Variants in N4BP2 observed in about 807,000 individuals in gnomAD.
N4BP2 encodes NEDD4 binding protein 2.
A neutral mutation model predicts 152.8 loss-of-function variants in N4BP2; 91 were observed. That is an observed-to-expected ratio of 0.60 (90% CI 0.50 to 0.71). The LOEUF is 0.71. Among genes scored for constraint, N4BP2 ranks in the 30% least tolerant of loss-of-function variants. N4BP2 has a pLI of 0.00. For missense variants in N4BP2, 1,923 were observed against 2,059.1 expected (o/e 0.93, Z 1.28); for synonymous variants, 646 against 705.3 (o/e 0.92, Z 1.33).
At position 40,086,371 on chromosome 4, in the gene N4BP2, C is replaced by G. The variant is rs1285540857; in HGVS notation, c.-114-10856C>G. Among the ~76,000 whole-genome samples, 5 of 147,886 alleles carry G rather than the reference C, an allele frequency of 3.4e-5. No individual in the cohort carries two copies. The East Asian group carries it at 1.0e-3, about 30-fold the overall frequency. ...TTTTGTTTTTGAGACGAAGTCTTAC[C>G]CTGTCACCCAGGCTGGAGTGCAGTG... On this transcript the variant is annotated intron_variant, in intron 2 of 17. Transcript: ENST00000261435.
chr4:40,114,001 T>C (rs1055921134), intron 7 of N4BP2, among the ~76,000 whole-genome samples: 2 of 152,222 alleles, frequency 1.3e-5, no homozygotes, highest in Non-Finnish European at 2.9e-5. Context: ...TCGTAGCTGC[T>C]TAGTGATTTA....
intron 13 of N4BP2, among the ~76,000 whole-genome samples, chr4:40,134,931 T>TTTTTATCTTATTTTA (rs1719237885): frequency 8.3e-6 from 1 of 120,002 alleles, no homozygotes; most frequent in African/African-American, 3.0e-5. Context: ...CTTTCTTTCT[T>TTTTTATCTTATTTTA]TTTTATTTTA....
intron 15 of N4BP2, 105 bp from the exon 16 acceptor site, chr4:40,144,527 T>C: frequency 1.1e-6 from 1 of 887,086 alleles, no homozygotes; most frequent in South Asian, 2.0e-5. Flanking sequence ...TTTAGGTTTA[T>C]TATTCCCTTT....
At position 40,073,489 on chromosome 4, in the gene N4BP2, G is replaced by C. The variant is rs994303453; in HGVS notation, c.-177G>C. 1.3e-5 allele frequency: 2 copies of C among 152,136 alleles called. No homozygotes were observed. Among genetic ancestry groups the C allele is most frequent in the Admixed American group, 1.3e-4 (2 of 15,242 alleles). The allele number at this position is 152,136 out of a possible 1,614,324, so 9.4% of individuals were successfully genotyped here. The stretch of plus-strand genomic sequence containing the variant: ...ATGTTGGATAACAAGAAGAGGTGTA[G>C]AGTTTGCATATATCAACTGTGGCCT... On this transcript the variant is annotated 5_prime_UTR_variant, in exon 2 of 18. Transcript: ENST00000261435.
At chr4:40,129,457 G>A (rs930639730) in intron 12 of N4BP2, among the ~76,000 whole-genome samples, 5 of 151,810 alleles carry the variant, frequency 3.3e-5, no homozygotes, top group Non-Finnish European at 5.9e-5. Flanking sequence ...AAACTCCTGA[G>A]CTCAAGCAAT....
chr4:40,146,152 G>C (rs1422501049), intron 16 of N4BP2, among the ~76,000 whole-genome samples: 1 of 151,692 alleles, frequency 6.6e-6, no homozygotes, highest in Admixed American at 6.6e-5. Context: ...GACAGAGCGA[G>C]ACTCTTTCTC....
At chr4:40,064,825 A>C (rs374829365) in intron 1 of N4BP2, among the ~76,000 whole-genome samples, 2 of 151,958 alleles carry the variant, frequency 1.3e-5, no homozygotes, top group African/African-American at 4.8e-5. Flanking sequence ...GCTGGAGTGC[A>C]GTGGTGTGAT....
chr4:40,058,995 A>G (rs1733441692), intron 1 of N4BP2, among the ~76,000 whole-genome samples: 1 of 151,892 alleles, frequency 6.6e-6, no homozygotes, highest in Admixed American at 6.6e-5. Context: ...TAATTTTTGT[A>G]TTTTTTGTAG....
At chr4:40,062,012 A>T (rs1418322138) in intron 1 of N4BP2, among the ~76,000 whole-genome samples, 2 of 144,834 alleles carry the variant, frequency 1.4e-5, no homozygotes, top group Non-Finnish European at 3.1e-5. Context: ...TTGCTGCTTT[A>T]TTTATTTTTT....
At chr4:40,179,287 A>G in the N4BP2 span, among the ~76,000 whole-genome samples, 8 of 152,012 alleles carry the variant, frequency 5.3e-5, no homozygotes, top group Non-Finnish European at 7.4e-5. Flanking sequence ...GGAGAATGGC[A>G]TGAACCCGGG....
chr4:40,103,049 A>C lies in N4BP2; in HGVS notation c.1204A>C (p.Ile402Leu), dbSNP rs1318818594. ...CAACTACACATTTCCACCCTCAGTTATTTCTCACACTTCCCCAACAAAAGT... is the reference window on the plus strand; with the variant it reads ...CAACTACACATTTCCACCCTCAGTTCTTTCTCACACTTCCCCAACAAAAGT... ...SVNYTFPPSV[I>L]SHTSPTKVWR... The change falls in exon 4 of 18, where the codon ATT becomes CTT. Residue 402 changes from isoleucine to leucine, a missense_variant. Physicochemically the swap from Ile to Leu is conservative, Grantham distance 5. Transcript: ENST00000261435. The C allele has an allele frequency of 5.0e-6, 8 of 1,614,164 alleles. No individual in the cohort carries two copies. Among genetic ancestry groups the C allele is most frequent in the Non-Finnish European group, 5.9e-6 (7 of 1,180,036 alleles).
Position 40,144,844 on chromosome 4 carries a change from T to G in N4BP2, c.5143+44T>G, listed in dbSNP as rs751050426. 10 of 1,487,480 alleles carry G rather than the reference T, an allele frequency of 6.7e-6. No homozygotes were observed. In the Admixed American group the frequency reaches 8.4e-5, roughly 12 times the overall value. The allele number at this position is 1,487,480 out of a possible 1,614,324, so 92.1% of individuals were successfully genotyped here. On this transcript the variant is annotated intron_variant, in intron 16 of 17. Coordinates refer to ENST00000261435, the MANE Select transcript of N4BP2 (RefSeq NM_018177.6). ...CAAGTTTTCAATAGAATATATGTCT[T>G]TGCTTATATTGGTATAGCTTGCAAA...
the N4BP2 span, among the ~76,000 whole-genome samples, chr4:40,175,906 C>T: frequency 3.4e-5 from 5 of 147,562 alleles, no homozygotes; most frequent in Non-Finnish European, 3.0e-5. Flanking sequence ...TTGGCTAACA[C>T]GGTGAAACCC....
chr4:40,077,607 C>T (rs1050263270), intron 2 of N4BP2, among the ~76,000 whole-genome samples: 1 of 152,030 alleles, frequency 6.6e-6, no homozygotes, highest in Non-Finnish European at 1.5e-5. Context: ...GCACCGGCCA[C>T]CACACTCGAC....
chr4:40,115,705 C>T (rs1024322311), intron 7 of N4BP2, among the ~76,000 whole-genome samples: 57 of 152,130 alleles, frequency 3.7e-4, no homozygotes, highest in South Asian at 4.1e-4. Context: ...AACTTAACTA[C>T]AGTAGGTCAG....
intron 13 of N4BP2, among the ~76,000 whole-genome samples, chr4:40,136,379 T>TATCTATCTATCTGTCTATC (rs1719389211): frequency 6.7e-6 from 1 of 150,238 alleles, no homozygotes; most frequent in Non-Finnish European, 1.5e-5. Flanking sequence ...TCTATCTATC[T>TATCTATCTATCTGTCTATC]ATCTATCTAT....
chr4:40,103,023 T>C lies in N4BP2; in HGVS notation c.1178T>C (p.Val393Ala), dbSNP rs770115501. The change falls in exon 4 of 18, where the codon GTC becomes GCC. Residue 393 changes from valine to alanine, a missense_variant. Physicochemically the swap from Val to Ala is moderately conservative, Grantham distance 64. Coordinates refer to ENST00000261435, the MANE Select transcript of N4BP2 (RefSeq NM_018177.6). ...ACCACAGCTGCACACTGGAGATCTG[T>C]CAACTACACATTTCCACCCTCAGTT... is the stretch of plus-strand genomic sequence containing the variant. The part of the protein sequence containing the change: ...VVTTAAHWRS[V>A]NYTFPPSVIS... The C allele has an allele frequency of 1.2e-6, 2 of 1,614,080 alleles. No homozygotes were observed. Among genetic ancestry groups the C allele is most frequent in the Non-Finnish European group, 1.7e-6 (2 of 1,180,040 alleles).
chr4:40,121,898 A>C lies in N4BP2; in HGVS notation c.3787A>C (p.Ser1263Arg), dbSNP rs760722924. 4.4e-6 allele frequency: 7 copies of C among 1,599,114 alleles called. No individual in the cohort carries two copies. Among genetic ancestry groups the C allele is most frequent in the Non-Finnish European group, 6.0e-6 (7 of 1,176,252 alleles). The stretch of plus-strand genomic sequence containing the variant: ...AAAAGCTACTACTCCTAAAGATATG[A>C]GTGAAACAGAAAAAAACCTAGTAGT... ...ILKATTPKDM[S>R]ETEKNLVVTE... The change falls in exon 9 of 18, where the codon AGT (serine) becomes CGT (arginine). Residue 1263 changes from serine (S) to arginine (R), a missense_variant. Coordinates refer to ENST00000261435, the MANE Select transcript of N4BP2 (RefSeq NM_018177.6).
rs779603330 is a variant in N4BP2, at chr4:40,120,400, G to A, written c.2289G>A (p.Thr763=). The change falls in exon 9 of 18, where the codon ACG becomes ACA. Residue 763 remains threonine (T), a synonymous_variant. Coordinates refer to ENST00000261435, the MANE Select transcript of N4BP2 (RefSeq NM_018177.6). The stretch of plus-strand genomic sequence containing the variant: ...TAGTGGAAGAAAGAGCAACAGTAAC[G>A]AAAAAAGCCTTTGGGAAACAAAAAA... ...GEIVEERATV[T]KKAFGKQKSK... 10 of 1,613,642 alleles carry A rather than the reference G, an allele frequency of 6.2e-6. No homozygotes were observed. The highest frequency in any genetic ancestry group is 2.2e-5 in the East Asian group (1 of 44,874).
Sources: allele counts gnomAD v4.1 joint callset (sites outside exome capture counted in the v4.1 genomes callset), GRCh38; gene constraint gnomAD v4.1.1; transcripts MANE v1.5; gene names NCBI Gene and HGNC (gene_info 2026-07-23, HGNC 2026-07-21).